Variants in RXRA observed in about 807,000 individuals in gnomAD.
RXRA encodes retinoid X receptor alpha, also known as retinoic acid receptor RXR-alpha.
In RXRA, 5 loss-of-function variants were observed where a neutral mutation model predicts 44.5. The observed-to-expected ratio is 0.11, with a 90% CI of 0.06 to 0.24. The LOEUF (loss-of-function observed/expected upper bound fraction) is 0.24. Ranked by LOEUF, RXRA falls within the 10% of genes least tolerant of loss-of-function variation. The pLI, the probability that RXRA is intolerant of heterozygous loss-of-function variation, is 1.00. For missense variants in RXRA, 412 were observed against 646.5 expected, an observed-to-expected ratio of 0.64 and a Z score of 3.93; for synonymous variants, 291 against 271.4, an observed-to-expected ratio of 1.07 and a Z score of -0.71.
At chr9:134,382,923 G>A (rs1830667520) in intron 1 of RXRA, among the ~76,000 whole-genome samples, 1 of 152,212 alleles carries the variant, frequency 6.6e-6, no homozygotes, top group Non-Finnish European at 1.5e-5. Context: ...GCCGAATGCA[G>A]GCGTAGCTTC....
At chr9:134,401,578 T>C in intron 1 of RXRA, 54 bp from the exon 2 acceptor site, 2 of 1,604,492 alleles carry the variant, frequency 1.2e-6, no homozygotes, top group Non-Finnish European at 1.7e-6. Context: ...AGGCATTTGG[T>C]GGGGCCTGGA....
intron 1 of RXRA, among the ~76,000 whole-genome samples, chr9:134,347,548 A>T (rs1830168468): frequency 6.6e-6 from 1 of 152,026 alleles, no homozygotes; most frequent in Admixed American, 6.5e-5. Flanking sequence ...TGTCCGGAGG[A>T]GCACAAGGCT....
At chr9:134,330,009 A>G (rs546024610) in intron 1 of RXRA, among the ~76,000 whole-genome samples, 27 of 152,310 alleles carry the variant, frequency 1.8e-4, no homozygotes, top group African/African-American at 6.3e-4. Flanking sequence ...GGGCGGGGTG[A>G]AAGCTTTACA....
At chr9:134,371,776 G>T (rs766561786) in intron 1 of RXRA, among the ~76,000 whole-genome samples, 1 of 152,190 alleles carries the variant, frequency 6.6e-6, no homozygotes, top group Non-Finnish European at 1.5e-5. Flanking sequence ...ACTGAGTCGG[G>T]GCCACAGGGC....
chr9:134,407,672 G>A lies in RXRA; in HGVS notation c.280-477G>A, dbSNP rs1056298015. 2.0e-5 allele frequency among the ~76,000 whole-genome samples: 3 copies of A among 152,080 alleles called. No homozygotes were observed. The highest frequency in any genetic ancestry group is 4.8e-5 in the African/African-American group (2 of 41,402). On this transcript the variant is annotated intron_variant, in intron 2 of 9. Transcript: ENST00000481739. This position sits in a 1 kb window ranked among gnomAD's most constrained non-coding sequence, Gnocchi z 4.8. ...TTGTGGGGTGTATGTGTGGTTCTTG[G>A]GGGGGTCCCCAGCCCTCCTCCGTCC...
chr9:134,368,761 T>C (rs539059591), intron 1 of RXRA, among the ~76,000 whole-genome samples: 19 of 122,524 alleles, frequency 1.6e-4, no homozygotes, highest in African/African-American at 8.9e-4. Flanking sequence ...TGGATGTGTG[T>C]GTGACTGTGA....
chr9:134,327,672 G>A (rs1554746200), intron 1 of RXRA, among the ~76,000 whole-genome samples: 1 of 152,164 alleles, frequency 6.6e-6, no homozygotes, highest in Admixed American at 6.5e-5. Context: ...CTGGGGTGCA[G>A]CTTGGCCACC....
At chr9:134,411,309 C>T (rs1242612045) in intron 4 of RXRA, among the ~76,000 whole-genome samples, 8 of 136,290 alleles carry the variant, frequency 5.9e-5, no homozygotes, top group African/African-American at 1.5e-4. Context: ...CCAGTGGAAC[C>T]GTGCAGTGTT....
rs34870962 is a variant in RXRA, at chr9:134,420,469, C to T, written c.781-1207C>T. Among the ~76,000 whole-genome samples the T allele has an allele frequency of 4.6e-3, 707 of 152,324 alleles. 10 individuals are homozygous for T. Among genetic ancestry groups the T allele is most frequent in the African/African-American group, 0.015 (640 of 41,574 alleles). On this transcript the variant is annotated intron_variant, in intron 5 of 9. Transcript: ENST00000481739. Reference sequence around the variant, plus strand: ...CCACCCCTGTGTATACCCCTTCTGGCTCGGGCCCCCAAGGGCTGCCCTGCC... The same window carrying T: ...CCACCCCTGTGTATACCCCTTCTGGTTCGGGCCCCCAAGGGCTGCCCTGCC...
At chr9:134,334,111 C>T (rs532266429) in intron 1 of RXRA, among the ~76,000 whole-genome samples, 1 of 152,380 alleles carries the variant, frequency 6.6e-6, no homozygotes, top group African/African-American at 2.4e-5. Flanking sequence ...GGAGTGATCC[C>T]ACGCCTGTGT....
At chr9:134,345,695 A>G (rs1554748690) in intron 1 of RXRA, among the ~76,000 whole-genome samples, 3 of 152,224 alleles carry the variant, frequency 2.0e-5, no homozygotes, top group African/African-American at 7.2e-5. Context: ...CCAAGGCAGG[A>G]GGGAGCAACT....
At position 134,360,209 on chromosome 9, in the gene RXRA, A is replaced by T. The variant is rs140806858; in HGVS notation, c.28+33550A>T. On this transcript the variant is annotated intron_variant, in intron 1 of 9. Coordinates refer to ENST00000481739, the MANE Select transcript of RXRA (RefSeq NM_002957.6). ...CTGGAAGCTGCCACCTGTCCTCAGT[A>T]GCCTCGGTGGGGGGCACTGGGCTGG... 5.3e-3 allele frequency among the ~76,000 whole-genome samples: 803 copies of T among 152,274 alleles called. 9 individuals are homozygous for T. Among genetic ancestry groups the T allele is most frequent in the African/African-American group, 0.018 (761 of 41,566 alleles).
intron 5 of RXRA, among the ~76,000 whole-genome samples, chr9:134,421,141 G>A (rs544157610): frequency 1.3e-5 from 2 of 152,222 alleles, no homozygotes; most frequent in Non-Finnish European, 2.9e-5. Context: ...GCGTCCTGCT[G>A]TAACCCAGTG....
At chr9:134,357,756 C>T (rs538350533) in intron 1 of RXRA, among the ~76,000 whole-genome samples, 8 of 152,346 alleles carry the variant, frequency 5.3e-5, no homozygotes, top group South Asian at 4.1e-4. Flanking sequence ...TGGCCACCCT[C>T]GGGGCAGAGC....
chr9:134,401,815 C>T lies in RXRA; in HGVS notation c.212C>T (p.Pro71Leu), dbSNP rs1830965551. Residue 71 changes from proline to leucine, a missense_variant, in exon 2 of 10, where the codon CCC becomes CTC. By Grantham distance (98) the Pro-to-Leu change is moderately conservative. Coordinates refer to ENST00000481739, the MANE Select transcript of RXRA (RefSeq NM_002957.6). ...CCGCCTTTCTCGGTCATCAGCTCCCCCATGGGCCCCCACTCCATGTCGGTG... is the reference window on the plus strand; with the variant it reads ...CCGCCTTTCTCGGTCATCAGCTCCCTCATGGGCCCCCACTCCATGTCGGTG... Reference protein sequence around the residue: ...MGPPFSVISSPMGPHSMSVPT... With the variant: ...MGPPFSVISSLMGPHSMSVPT... 1 of 1,612,842 alleles carries T rather than the reference C, an allele frequency of 6.2e-7. No individual in the cohort carries two copies. Among genetic ancestry groups the T allele is most frequent in the Admixed American group, 1.7e-5 (1 of 59,996 alleles).
intron 5 of RXRA, 138 bp from the exon 6 acceptor site, chr9:134,421,538 T>G: frequency 1.0e-6 from 1 of 977,608 alleles, no homozygotes; most frequent in East Asian, 2.5e-5. Context: ...GTTCTGGGGA[T>G]TGGGGCCTGG....
At chr9:134,436,125 T>C (rs1359056054) in intron 9 of RXRA, among the ~76,000 whole-genome samples, 2 of 152,238 alleles carry the variant, frequency 1.3e-5, no homozygotes, top group Non-Finnish European at 2.9e-5. Flanking sequence ...AGATTACAAG[T>C]GTGAGCCATC....
rs1011954223 is a variant in RXRA at position 134,407,869 on chromosome 9, A to G, written c.280-280A>G. ...AGGGGGTTGCAAGCAGGGACCGCCC[A>G]TGTGTTGGGGGGGGTGTTGAAGGTC... On this transcript the variant is annotated intron_variant, in intron 2 of 9. Coordinates refer to ENST00000481739, the MANE Select transcript of RXRA (RefSeq NM_002957.6). This position sits in a 1 kb window ranked among gnomAD's most constrained non-coding sequence, Gnocchi z 4.8. Among the ~76,000 whole-genome samples, 1 of 151,774 alleles carries G rather than the reference A, an allele frequency of 6.6e-6. No homozygotes were observed.
intron 4 of RXRA, among the ~76,000 whole-genome samples, chr9:134,410,914 C>T (rs1351608054): frequency 2.0e-5 from 3 of 152,202 alleles, no homozygotes. Flanking sequence ...TGAAAGTGAT[C>T]ATCAGATAAC....
Sources: gnomAD v4.1 joint callset for allele counts (sites outside exome capture counted in the v4.1 genomes callset) on GRCh38, gnomAD v4.1.1 for gene constraint, Gnocchi (gnomAD v3.1) non-coding constraint, MANE v1.5 for transcripts, NCBI Gene and HGNC (gene_info 2026-07-23, HGNC 2026-07-21) for gene names.